Variants in PDSS1 observed in about 807,000 individuals in gnomAD.
PDSS1 encodes the protein decaprenyl diphosphate synthase subunit 1, also known as all trans-polyprenyl-diphosphate synthase PDSS1.
A neutral mutation model predicts 57.5 loss-of-function variants in PDSS1; 43 were observed. That is an observed-to-expected ratio of 0.75 (90% CI 0.59 to 0.96). The LOEUF is 0.96. Ranked by LOEUF, PDSS1 falls within the 50% of genes least tolerant of loss-of-function variation. The pLI is 0.00. For synonymous variants in PDSS1, 175 were observed against 191.3 expected (o/e 0.91, Z 0.70); for missense variants, 438 against 527.8 (o/e 0.83, Z 1.67).
chr10:26,714,775 A>G (rs750517786), intron 5 of PDSS1: 2 of 152,250 alleles, frequency 1.3e-5, no homozygotes, highest in Non-Finnish European at 2.9e-5. Context: ...AGCCAATGGC[A>G]TTGGATTACA....
intron 5 of PDSS1, among the ~76,000 whole-genome samples, chr10:26,718,483 A>C (rs949644493): frequency 1.1e-4 from 16 of 152,160 alleles, no homozygotes; most frequent in African/African-American, 3.9e-4. Flanking sequence ...GAATGAGGCC[A>C]GGCGTGGTGG....
At chr10:26,741,344 T>C (rs908583361) in intron 10 of PDSS1, among the ~76,000 whole-genome samples, 4 of 151,782 alleles carry the variant, frequency 2.6e-5, no homozygotes, top group Non-Finnish European at 4.4e-5. Flanking sequence ...ATTAGCCGGG[T>C]GTGGTGGCGC....
chr10:26,730,671 C>T (rs988716279), intron 8 of PDSS1, among the ~76,000 whole-genome samples: 4 of 151,992 alleles, frequency 2.6e-5, no homozygotes, highest in Non-Finnish European at 4.4e-5. Context: ...CAGAACTATA[C>T]AATACAGTAA....
chr10:26,734,629 C>G, intron 8 of PDSS1: 1 of 455,226 alleles, frequency 2.2e-6, no homozygotes, highest in Non-Finnish European at 4.4e-6. Context: ...CAGTGAAGTT[C>G]CTTCCGATAA....
In PDSS1 at chr10:26,702,258, T is replaced by G. The variant is rs113041071; in HGVS notation, c.162+64T>G. 3,457 of 408,570 alleles carry G rather than the reference T, an allele frequency of 8.5e-3. 177 individuals carry two copies. The highest frequency in any genetic ancestry group is 0.064 in the African/African-American group (3,101 of 48,564). The allele number at this position is 408,570 out of a possible 1,614,324, so 25.3% of individuals were successfully genotyped here. ...ATGAGTTAAGACTTTTGGGGACTGT[T>G]CGGAAGGAATGATTGGTTTTGAAAA... is the stretch of plus-strand genomic sequence containing the variant. On this transcript the variant is annotated intron_variant, in intron 2 of 11. Transcript: ENST00000376215.
intron 8 of PDSS1, among the ~76,000 whole-genome samples, chr10:26,727,641 G>A (rs2132279026): frequency 6.6e-6 from 1 of 151,724 alleles, no homozygotes; most frequent in African/African-American, 2.4e-5. Context: ...GATTACAGGT[G>A]CACACCACCA....
chr10:26,703,822 C>G (rs1362875022), intron 2 of PDSS1, among the ~76,000 whole-genome samples: 1 of 151,990 alleles, frequency 6.6e-6, no homozygotes, highest in Non-Finnish European at 1.5e-5. Flanking sequence ...TGGCTCACGC[C>G]TGTAATCCCA....
chr10:26,745,786 G>C (rs1836840209), intron 11 of PDSS1, among the ~76,000 whole-genome samples: 1 of 151,984 alleles, frequency 6.6e-6, no homozygotes, highest in Non-Finnish European at 1.5e-5. Context: ...GGTGAAGGTT[G>C]CAGTGAGCCA....
intron 4 of PDSS1, among the ~76,000 whole-genome samples, chr10:26,708,120 C>G (rs142994066): frequency 6.6e-6 from 1 of 152,222 alleles, no homozygotes; most frequent in Non-Finnish European, 1.5e-5. Context: ...CCCATCTAGA[C>G]CCTGAGCTCC....
chr10:26,709,759 A>G lies in PDSS1; in HGVS notation c.458A>G (p.Asn153Ser), dbSNP rs1412616327. The G allele has an allele frequency of 1.2e-6, 2 of 1,614,050 alleles. No individual in the cohort carries two copies. The highest frequency in any genetic ancestry group is 1.7e-5 in the Admixed American group (1 of 60,010). ...GCCCGAGCATGCAATATTCATCATA[A>G]CAACTCCCGGTGAGCTCTTTTTTTC... is the stretch of plus-strand genomic sequence containing the variant. Reference protein sequence around the residue: ...LMARACNIHHNNSRHVQASQR... With the variant: ...LMARACNIHHSNSRHVQASQR... Residue 153 changes from asparagine (N) to serine (S), a missense_variant, in exon 5 of 12, where the codon AAC becomes AGC. Coordinates refer to ENST00000376215, the MANE Select transcript of PDSS1 (RefSeq NM_014317.5).
chr10:26,714,390 G>A (rs1475520933), intron 5 of PDSS1, among the ~76,000 whole-genome samples: 2 of 151,218 alleles, frequency 1.3e-5, no homozygotes, highest in Admixed American at 6.6e-5. Context: ...CAGGAGAATC[G>A]CTTGAACCCA....
chr10:26,726,779 A>T (rs551117713), intron 8 of PDSS1, among the ~76,000 whole-genome samples: 1 of 152,212 alleles, frequency 6.6e-6, no homozygotes, highest in Non-Finnish European at 1.5e-5. Flanking sequence ...AATCCATTTT[A>T]GGCCGGGCAC....
intron 4 of PDSS1, among the ~76,000 whole-genome samples, chr10:26,705,663 G>A (rs1406684322): frequency 1.3e-5 from 2 of 151,932 alleles, no homozygotes; most frequent in South Asian, 4.2e-4. Flanking sequence ...TAGTGAAGAC[G>A]GGGTTTTGCT....
At chr10:26,709,918 T>G in intron 5 of PDSS1, 150 bp downstream of exon 5, 1 of 806,682 alleles carries the variant, frequency 1.2e-6, no homozygotes, top group South Asian at 1.5e-5. Flanking sequence ...TCTGGGAGCC[T>G]GAGGCGGGTG....
chr10:26,733,521 G>A, intron 8 of PDSS1, among the ~76,000 whole-genome samples: 1 of 152,126 alleles, frequency 6.6e-6, no homozygotes, highest in Non-Finnish European at 1.5e-5. Context: ...ATGTACTTAT[G>A]GCCAAGCACT....
In PDSS1 at chr10:26,722,053, G is replaced by A. The variant is rs190784609; in HGVS notation, c.609+1694G>A. On this transcript the variant is annotated intron_variant, in intron 6 of 11. Transcript: ENST00000376215. ...TTTCCTTTAACTCCCACCCCTGGCC[G>A]TCACAGTCCTGTGGCTTCCATGTCA... Among the ~76,000 whole-genome samples the A allele has an allele frequency of 9.3e-3, 1,412 of 152,150 alleles. 9 individuals are homozygous for A. The highest frequency in any genetic ancestry group is 0.015 in the Non-Finnish European group (1,025 of 68,004).
chr10:26,711,796 T>G lies in PDSS1; in HGVS notation c.467+2028T>G, dbSNP rs1835413713. On this transcript the variant is annotated intron_variant, in intron 5 of 11. Transcript: ENST00000376215. ...AAAAATGCCTCCAGATACTGCCAAG[T>G]GTCCCATGGTCCCACGCAGCGCAGA... Among the ~76,000 whole-genome samples, 2 of 94,524 alleles carry G rather than the reference T, an allele frequency of 2.1e-5. 1 individual carries two copies. The highest frequency in any genetic ancestry group is 4.8e-5 in the Non-Finnish European group (2 of 41,560). 62.0% of individuals were successfully genotyped at this position (94,524 alleles called of 152,430 possible).
chr10:26,741,126 G>A (rs1432513266), intron 10 of PDSS1, among the ~76,000 whole-genome samples: 1 of 152,030 alleles, frequency 6.6e-6, no homozygotes, highest in Non-Finnish European at 1.5e-5. Flanking sequence ...AAATCTTGGT[G>A]CCCAGGCTAA....
At chr10:26,713,294 A>C (rs1450886244) in intron 5 of PDSS1, among the ~76,000 whole-genome samples, 1 of 152,098 alleles carries the variant, frequency 6.6e-6, no homozygotes, top group African/African-American at 2.4e-5. Context: ...CCGTCTCAAA[A>C]AAACCAAACA....
Sources: gnomAD v4.1 joint callset for allele counts (sites outside exome capture counted in the v4.1 genomes callset) on GRCh38, gnomAD v4.1.1 for gene constraint, MANE v1.5 for transcripts, NCBI Gene and HGNC (gene_info 2026-07-23, HGNC 2026-07-21) for gene names.